Variants in COL23A1 observed in about 807,000 individuals in gnomAD.
COL23A1 encodes the protein collagen type XXIII alpha 1 chain.
A neutral mutation model predicts 99.3 loss-of-function variants in COL23A1; 97 were observed. That is an observed-to-expected ratio of 0.98 (90% CI 0.83 to 1.16). The LOEUF is 1.16. Ranked by LOEUF, COL23A1 falls within the 50% of genes most tolerant of loss-of-function variation. The pLI, the probability that COL23A1 is intolerant of heterozygous loss-of-function variation, is 0.00. For missense variants in COL23A1, 762 were observed against 757.4 expected (o/e 1.01, Z -0.07); for synonymous variants, 320 against 308.2 (o/e 1.04, Z -0.40).
At chr5:178,518,704 G>A (rs1405550006) in intron 2 of COL23A1, among the ~76,000 whole-genome samples, 15 of 145,438 alleles carry the variant, frequency 1.0e-4, no homozygotes, top group Admixed American at 6.8e-4. Context: ...GACGATGGGC[G>A]GCCAGGCAGA....
At chr5:178,435,985 C>T (rs937514715) in intron 2 of COL23A1, among the ~76,000 whole-genome samples, 1 of 152,214 alleles carries the variant, frequency 6.6e-6, no homozygotes, top group Non-Finnish European at 1.5e-5. Context: ...ATTACAAGTG[C>T]GCCAAATGTG....
At chr5:178,450,144 C>G (rs1431237260) in intron 2 of COL23A1, among the ~76,000 whole-genome samples, 1 of 152,116 alleles carries the variant, frequency 6.6e-6, no homozygotes, top group Non-Finnish European at 1.5e-5. Flanking sequence ...AATGCCAGAC[C>G]CTGAGCCCTC....
At chr5:178,268,925 A>G (rs1280137047) in intron 6 of COL23A1, among the ~76,000 whole-genome samples, 169 bp from the exon 7 acceptor site, 2 of 152,176 alleles carry the variant, frequency 1.3e-5, no homozygotes, top group African/African-American at 4.8e-5. Flanking sequence ...TGGCTGGCCC[A>G]AGGAAGCTCC....
At position 178,263,216 on chromosome 5, in the gene COL23A1, C is replaced by G; in HGVS notation, c.631G>C (p.Gly211Arg). Residue 211 changes from glycine to arginine, a missense_variant, in exon 9 of 29, where the codon GGC becomes CGC. Transcript: ENST00000390654. ...TCCATGCCCTCTCTTACCGCTGGGCCTTGTGCTCCCCTGGGGCCATCTTTC... is the reference window on the plus strand; with the variant it reads ...TCCATGCCCTCTCTTACCGCTGGGCGTTGTGCTCCCCTGGGGCCATCTTTC... Reference protein sequence around the residue: ...TGKDGPRGAQGPAGPKGEPGQ... With the variant: ...TGKDGPRGAQRPAGPKGEPGQ... The G allele has an allele frequency of 2.5e-6, 4 of 1,613,278 alleles. No individual in the cohort carries two copies. The highest frequency in any genetic ancestry group is 3.4e-6 in the Non-Finnish European group (4 of 1,179,364).
At position 178,439,516 on chromosome 5, in the gene COL23A1, G is replaced by T. The variant is rs1485018098; in HGVS notation, c.361+121166C>A. ...CAGTGACCCTCACCCGGCAGCTGGA[G>T]GAATCTTCTGAAGAGCAAGTCTCAT... is the stretch of plus-strand genomic sequence containing the variant. On this transcript the variant is annotated intron_variant, in intron 2 of 28. Coordinates refer to ENST00000390654, the MANE Select transcript of COL23A1 (RefSeq NM_173465.4). This position sits in a 1 kb window ranked among gnomAD's most constrained non-coding sequence, Gnocchi z 4.2. The T allele has an allele frequency of 6.6e-6, 1 of 152,228 alleles. No homozygotes were observed. Among genetic ancestry groups the T allele is most frequent in the Admixed American group, 6.5e-5 (1 of 15,272 alleles). The allele number at this position is 152,228 out of a possible 1,614,324, so 9.4% of individuals were successfully genotyped here.
intron 2 of COL23A1, among the ~76,000 whole-genome samples, chr5:178,363,330 T>C (rs1762274213): frequency 6.6e-6 from 1 of 152,116 alleles, no homozygotes; most frequent in Non-Finnish European, 1.5e-5. Context: ...CTCCAAGTTG[T>C]TGAAAACACT....
chr5:178,348,257 G>C (rs557985392), intron 2 of COL23A1, among the ~76,000 whole-genome samples: 1 of 152,154 alleles, frequency 6.6e-6, no homozygotes, highest in Non-Finnish European at 1.5e-5. Context: ...GTGTTCCCAC[G>C]CACTCGGGGC....
intron 2 of COL23A1, among the ~76,000 whole-genome samples, chr5:178,347,709 T>C (rs1262351372): frequency 1.3e-5 from 2 of 151,646 alleles, no homozygotes; most frequent in South Asian, 2.1e-4. Context: ...GGTGAAACCC[T>C]GTCTCTACTA....
intron 2 of COL23A1, among the ~76,000 whole-genome samples, chr5:178,501,380 C>T (rs574208726): frequency 5.9e-5 from 9 of 152,016 alleles, no homozygotes; most frequent in South Asian, 2.1e-4. Flanking sequence ...GTCAGGAGTT[C>T]GAGACCAGCC....
intron 5 of COL23A1, among the ~76,000 whole-genome samples, chr5:178,271,717 G>C (rs531524104): frequency 1.7e-4 from 26 of 152,254 alleles, no homozygotes; most frequent in Non-Finnish European, 2.9e-4. Context: ...GGAAGGCGGA[G>C]AGGTGGAGAG....
rs1426393130 is a variant in COL23A1 at position 178,479,973 on chromosome 5, T to C, written c.361+80709A>G. Among the ~76,000 whole-genome samples, 3 of 152,104 alleles carry C rather than the reference T, an allele frequency of 2.0e-5. No individual in the cohort carries two copies. In the East Asian group the frequency reaches 5.8e-4, roughly 29 times the overall value. On this transcript the variant is annotated intron_variant, in intron 2 of 28. Coordinates refer to ENST00000390654, the MANE Select transcript of COL23A1 (RefSeq NM_173465.4). ...CTCCTGGCTACAAACCTGTACAGCC[T>C]GTTACTGTGCTGAGTACCATAGGCA...
chr5:178,441,534 T>C (rs1466263303), intron 2 of COL23A1, among the ~76,000 whole-genome samples: 1 of 152,128 alleles, frequency 6.6e-6, no homozygotes, highest in Non-Finnish European at 1.5e-5. Context: ...AGGGGCTTGC[T>C]GATGAAGCTG....
At chr5:178,380,465 T>C (rs1763320228) in intron 2 of COL23A1, among the ~76,000 whole-genome samples, 1 of 152,170 alleles carries the variant, frequency 6.6e-6, no homozygotes, top group South Asian at 2.1e-4. Flanking sequence ...ATATTTTCTT[T>C]CTTTTTCTGC....
intron 2 of COL23A1, among the ~76,000 whole-genome samples, chr5:178,406,893 A>G (rs1764794199): frequency 6.6e-6 from 1 of 152,226 alleles, no homozygotes; most frequent in South Asian, 2.1e-4. Context: ...ACTTGGCAAA[A>G]AGATACAGTA....
rs534177284 is a variant in COL23A1, at chr5:178,560,182, T to A, written c.361+500A>T. On this transcript the variant is annotated intron_variant, in intron 2 of 28. Coordinates refer to ENST00000390654, the MANE Select transcript of COL23A1 (RefSeq NM_173465.4). Reference sequence around the variant, plus strand: ...TCTGCACCAGCAAAACCAAAGAGAGTCTATGATAATTTGAATAATTCAGAC... The same window carrying A: ...TCTGCACCAGCAAAACCAAAGAGAGACTATGATAATTTGAATAATTCAGAC... 4.6e-4 allele frequency among the ~76,000 whole-genome samples: 70 copies of A among 152,082 alleles called. 1 individual carries two copies. In the South Asian group the frequency reaches 0.015, roughly 32 times the overall value.
Position 178,313,069 on chromosome 5 carries a change from G to A in COL23A1, c.362-6150C>T, listed in dbSNP as rs531405835. Among the ~76,000 whole-genome samples, 39 of 152,292 alleles carry A rather than the reference G, an allele frequency of 2.6e-4. No individual in the cohort carries two copies. The highest frequency in any genetic ancestry group is 5.3e-4 in the Non-Finnish European group (36 of 68,020). On this transcript the variant is annotated intron_variant, in intron 2 of 28. Coordinates refer to ENST00000390654, the MANE Select transcript of COL23A1 (RefSeq NM_173465.4). The surrounding 1 kb of genome is among the most constrained non-coding windows in gnomAD (Gnocchi z 4.2). ...GCATGATGGGCCTGGAGGACGTCAC[G>A]CGATGGGAAGTAAGCCAGACACAGA...
At chr5:178,254,575 T>G (rs1415591823) in intron 16 of COL23A1, among the ~76,000 whole-genome samples, 2 of 152,062 alleles carry the variant, frequency 1.3e-5, no homozygotes, top group Non-Finnish European at 2.9e-5. Context: ...AGCTTGCCAC[T>G]CTCATCCTCC....
chr5:178,253,901 C>T (rs1457028273), intron 16 of COL23A1, among the ~76,000 whole-genome samples: 2 of 152,052 alleles, frequency 1.3e-5, no homozygotes, highest in African/African-American at 4.8e-5. Flanking sequence ...TGGTGGCTCA[C>T]GCCTATAATC....
chr5:178,452,844 A>G (rs1767563943), intron 2 of COL23A1, among the ~76,000 whole-genome samples: 1 of 152,236 alleles, frequency 6.6e-6, no homozygotes, highest in Non-Finnish European at 1.5e-5. Context: ...AACCTTGATA[A>G]TAAACAATTT....
Sources: gnomAD v4.1 joint callset for allele counts (sites outside exome capture counted in the v4.1 genomes callset) on GRCh38, gnomAD v4.1.1 for gene constraint, Gnocchi (gnomAD v3.1) non-coding constraint, MANE v1.5 for transcripts, NCBI Gene and HGNC (gene_info 2026-07-23, HGNC 2026-07-21) for gene names.